COX6B1: variants seen among roughly 807,000 people sequenced by gnomAD.
COX6B1 encodes cytochrome c oxidase subunit 6B1.
COX6B1 carries 2 observed loss-of-function variants against 14.0 expected under a neutral mutation model. The observed-to-expected ratio is 0.14, with a 90% CI of 0.06 to 0.45. The LOEUF (loss-of-function observed/expected upper bound fraction) is 0.45, where lower values mean the gene tolerates loss of function less well. COX6B1 is among the 20% of genes least tolerant of loss of function. COX6B1 has a pLI of 0.98. For synonymous variants in COX6B1, 30 were observed against 39.7 expected (o/e 0.76, Z 0.92); for missense variants, 81 against 114.2 (o/e 0.71, Z 1.33).
intron 3 of COX6B1, among the ~76,000 whole-genome samples, chr19:35,655,084 C>CAGTG (rs1221800428): frequency 6.8e-6 from 1 of 147,266 alleles, no homozygotes; most frequent in Non-Finnish European, 1.5e-5. Context: ...GGCTGGAGTG[C>CAGTG]AGTGGCGCGA....
intron 2 of COX6B1, among the ~76,000 whole-genome samples, chr19:35,652,714 G>A (rs1436406834): frequency 6.6e-6 from 1 of 151,896 alleles, no homozygotes; most frequent in African/African-American, 2.4e-5. Flanking sequence ...CCAAAGTGCT[G>A]GAATTACAGG....
chr19:35,648,853 C>T (rs768343636), intron 1 of COX6B1: 1 of 533,344 alleles, frequency 1.9e-6, no homozygotes, highest in South Asian at 1.4e-5. Flanking sequence ...TTGGAGGGGC[C>T]GCAGCGTCAT....
intron 3 of COX6B1, among the ~76,000 whole-genome samples, chr19:35,657,530 A>C (rs1219271428): frequency 2.0e-5 from 3 of 152,028 alleles, no homozygotes; most frequent in Non-Finnish European, 4.4e-5. Context: ...TATAGCATAA[A>C]ATGTGAGCGT....
intron 3 of COX6B1, among the ~76,000 whole-genome samples, chr19:35,655,276 C>G (rs1967875851): frequency 1.3e-5 from 2 of 152,148 alleles, no homozygotes; most frequent in Admixed American, 6.5e-5. Context: ...GGTCCACCTG[C>G]CTCGGCCTCC....
rs34354660 is a variant in COX6B1 at position 35,652,610 on chromosome 19, A to ATT, written c.106+1275_106+1276dup. 6.6e-4 allele frequency among the ~76,000 whole-genome samples: 83 copies of ATT among 126,250 alleles called. 1 individual carries two copies. Among genetic ancestry groups the ATT allele is most frequent in the South Asian group, 4.2e-3 (17 of 4,038 alleles). The allele number at this position is 126,250 out of a possible 152,430, so 82.8% of individuals were successfully genotyped here. A position where few individuals can be genotyped will look rare whatever the true frequency, so the allele number is the denominator to read the frequency against. ...CCACCATGCCCAGCTAATTTTTTGT[A>ATT]TTTTTTTTTTTTTTTAGTAAAGACA... is the stretch of plus-strand genomic sequence containing the variant. On this transcript the variant is annotated intron_variant, in intron 2 of 3. Transcript: ENST00000649813.
chr19:35,654,614 T>C lies in COX6B1; in HGVS notation c.150T>C (p.Asp50=), dbSNP rs1190082577. Residue 50 remains aspartate, a synonymous_variant, in exon 3 of 4, where the codon GAT becomes GAC. Transcript: ENST00000649813. The part of the protein sequence containing the change: ...CQKAMTAKGG[D]ISVCEWYQRV... ...AGGCAATGACCGCTAAAGGAGGCGA[T>C]ATCTCTGTGTGCGAATGGTACCAGC... The C allele has an allele frequency of 3.7e-6, 6 of 1,614,128 alleles. No homozygotes were observed. In the African/African-American group the frequency reaches 6.7e-5, roughly 18 times the overall value.
At chr19:35,656,360 A>C (rs1967889012) in intron 3 of COX6B1, among the ~76,000 whole-genome samples, 1 of 152,216 alleles carries the variant, frequency 6.6e-6, no homozygotes, top group South Asian at 2.1e-4. Context: ...AAGTTGCAGA[A>C]CAATCTATAT....
At chr19:35,654,818 C>A in intron 3 of COX6B1, 147 bp downstream of exon 3, 1 of 680,496 alleles carries the variant, frequency 1.5e-6, no homozygotes, top group South Asian at 1.9e-5. Flanking sequence ...TTCCTCCCGC[C>A]TAGAATTACC....
chr19:35,658,473 T>C (rs1323725193), intron 3 of COX6B1, 121 bp from the exon 4 acceptor site: 1 of 803,188 alleles, frequency 1.2e-6, no homozygotes, highest in Non-Finnish European at 2.2e-6. Flanking sequence ...AGAATAGAGG[T>C]TGGCACACAG....
At chr19:35,651,207 C>T in intron 1 of COX6B1, 26 bp from the exon 2 acceptor site, 1 of 1,539,352 alleles carries the variant, frequency 6.5e-7, no homozygotes, top group Non-Finnish European at 9.0e-7. Context: ...GGGGCCCCTG[C>T]TGACACCCAC....
Position 35,651,598 on chromosome 19 carries a change from G to A in COX6B1, c.106+249G>A, listed in dbSNP as rs551053752. ...GGTTTTGTTTTTTTCCAGAGATGGG[G>A]TCTCACTTTGTCACCTAGGCTGGAG... On this transcript the variant is annotated intron_variant, in intron 2 of 3. Coordinates refer to ENST00000649813, the MANE Select transcript of COX6B1 (RefSeq NM_001863.5). 2.2e-4 allele frequency among the ~76,000 whole-genome samples: 34 copies of A among 151,966 alleles called. No individual in the cohort carries two copies. The East Asian group carries it at 6.4e-3, about 29-fold the overall frequency.
chr19:35,650,959 G>A (rs545246742), intron 1 of COX6B1, among the ~76,000 whole-genome samples: 3 of 152,138 alleles, frequency 2.0e-5, no homozygotes, highest in Admixed American at 1.3e-4. Flanking sequence ...GTAGAACAGC[G>A]CCTGGCATGT....
intron 2 of COX6B1, among the ~76,000 whole-genome samples, chr19:35,652,680 A>G (rs1967840103): frequency 2.0e-5 from 3 of 151,290 alleles, no homozygotes; most frequent in South Asian, 2.1e-4. Context: ...TCCTGACCTC[A>G]GGTGATCCAC....
intron 2 of COX6B1, among the ~76,000 whole-genome samples, chr19:35,653,582 ATT>A (rs1225466966): frequency 9.5e-5 from 11 of 115,328 alleles, no homozygotes; most frequent in Non-Finnish European, 1.3e-4. Flanking sequence ...AATTTTTTGT[ATT>A]TTTTTTTTTT....
chr19:35,658,642 A>G lies in COX6B1; in HGVS notation c.256A>G (p.Ile86Val). ...GGCTGAAGGCACGTTTCCCGGGAAG[A>G]TCTGAACTGGCTGCATCTCCCTTTC... is the stretch of plus-strand genomic sequence containing the variant. ...QRAEGTFPGK[I>V] Residue 86 changes from isoleucine (I) to valine (V), a missense_variant, in exon 4 of 4, where the codon ATC becomes GTC. Coordinates refer to ENST00000649813, the MANE Select transcript of COX6B1 (RefSeq NM_001863.5). 6.2e-7 allele frequency: 1 copy of G among 1,613,958 alleles called. No homozygotes were observed. Among genetic ancestry groups the G allele is most frequent in the Non-Finnish European group, 8.5e-7 (1 of 1,179,876 alleles).
At chr19:35,648,447 G>T (rs1421953688) in intron 1 of COX6B1, 44 bp downstream of exon 1, 3 of 207,722 alleles carry the variant, frequency 1.4e-5, no homozygotes, top group Non-Finnish European at 3.0e-5. Flanking sequence ...AGTCTAGCGG[G>T]CTGAGGAGCC....
In COX6B1 at chr19:35,658,756, G is replaced by A. The variant is rs1005913730; in HGVS notation, c.*109G>A. 10 of 1,010,686 alleles carry A rather than the reference G, an allele frequency of 9.9e-6. No individual in the cohort carries two copies. The highest frequency in any genetic ancestry group is 4.8e-5 in the African/African-American group (3 of 63,062). The allele number at this position is 1,010,686 out of a possible 1,614,324, so 62.6% of individuals were successfully genotyped here. Reference sequence around the variant, plus strand: ...CAGGATCCTAAATCATGACTTACCTGCTAATAAAAACTCATTGGAAAAGTG... The same window carrying A: ...CAGGATCCTAAATCATGACTTACCTACTAATAAAAACTCATTGGAAAAGTG... On this transcript the variant is annotated 3_prime_UTR_variant, in exon 4 of 4. Transcript: ENST00000649813.
intron 1 of COX6B1, chr19:35,648,878 C>T (rs1239676357): frequency 3.7e-6 from 2 of 533,350 alleles, no homozygotes; most frequent in African/African-American, 1.9e-5. Flanking sequence ...GATGCACCCT[C>T]ATCCTCAGAT....
At chr19:35,657,650 ATTT>A (rs1192141047) in intron 3 of COX6B1, among the ~76,000 whole-genome samples, 2 of 115,538 alleles carry the variant, frequency 1.7e-5, no homozygotes, top group Admixed American at 9.2e-5. Flanking sequence ...GGGCCTTTTC[ATTT>A]TTTTTTTTTT....
Sources: gnomAD v4.1 joint callset for allele counts (sites outside exome capture counted in the v4.1 genomes callset) on GRCh38, gnomAD v4.1.1 for gene constraint, MANE v1.5 for transcripts, NCBI Gene and HGNC (gene_info 2026-07-23, HGNC 2026-07-21) for gene names.